IL5RA: variants seen among roughly 807,000 people sequenced by gnomAD.
The protein encoded by IL5RA is interleukin-5 receptor subunit alpha.
Under a neutral mutation model 50.0 loss-of-function variants are expected in IL5RA, and 49 were observed. The observed-to-expected ratio is 0.98, with a 90% CI of 0.78 to 1.24. IL5RA has a LOEUF of 1.24. Among genes scored for constraint, IL5RA ranks in the 50% most tolerant of loss-of-function variants. IL5RA has a pLI of 0.00. For missense variants in IL5RA, 600 were observed against 500.4 expected (o/e 1.20, Z -1.90); for synonymous variants, 202 against 174.0 (o/e 1.16, Z -1.26).
chr3:3,087,798 T>C (rs573745871), intron 9 of IL5RA, among the ~76,000 whole-genome samples: 12 of 152,308 alleles, frequency 7.9e-5, no homozygotes, highest in African/African-American at 2.9e-4. Flanking sequence ...GATGGACTCC[T>C]AGCTGAGTAT....
At chr3:3,082,500 A>G (rs1702702380) in intron 9 of IL5RA, among the ~76,000 whole-genome samples, 1 of 152,250 alleles carries the variant, frequency 6.6e-6, no homozygotes, top group African/African-American at 2.4e-5. Flanking sequence ...TTTAGGCATC[A>G]CTAACGTAAA....
At position 3,092,458 on chromosome 3, in the gene IL5RA, C is replaced by G; in HGVS notation, c.856-96G>C. On this transcript the variant is annotated intron_variant, in intron 8 of 11. Coordinates refer to ENST00000446632, the MANE Select transcript of IL5RA (RefSeq NM_175726.4). This position sits in a 1 kb window ranked among gnomAD's most constrained non-coding sequence, Gnocchi z 4.2. ...GAGGTCCTATATAGGTCATGTGACT[C>G]ACTGTTCAGCAAGTCCTTTAAAATC... The G allele has an allele frequency of 1.8e-6, 2 of 1,109,046 alleles. No homozygotes were observed. Among genetic ancestry groups the G allele is most frequent in the South Asian group, 2.8e-5 (2 of 70,306 alleles). 68.7% of individuals were successfully genotyped at this position (1,109,046 alleles called of 1,614,324 possible).
At chr3:3,070,903 AT>A (rs565831935) in intron 11 of IL5RA, among the ~76,000 whole-genome samples, 1 of 151,936 alleles carries the variant, frequency 6.6e-6, no homozygotes, top group Non-Finnish European at 1.5e-5. Context: ...TTAAAAATTG[AT>A]TTTTTTCTCT....
At position 3,091,599 on chromosome 3, in the gene IL5RA, G is replaced by T. The variant is rs113925759; in HGVS notation, c.994+625C>A. On this transcript the variant is annotated intron_variant, in intron 9 of 11. Transcript: ENST00000446632. Reference sequence around the variant, plus strand: ...ATACAAAAATTAGCCAGGCGTGGTGGCATGTGCCTGCAGTCCCAGCTACAC... The same window carrying T: ...ATACAAAAATTAGCCAGGCGTGGTGTCATGTGCCTGCAGTCCCAGCTACAC... Among the ~76,000 whole-genome samples, 485 of 152,288 alleles carry T rather than the reference G, an allele frequency of 3.2e-3. 3 individuals are homozygous for T. Among genetic ancestry groups the T allele is most frequent in the Admixed American group, 9.5e-3 (145 of 15,296 alleles).
rs1360221446 is a variant in IL5RA, at chr3:3,067,146, C to T, written c.*3079G>A. On this transcript the variant is annotated 3_prime_UTR_variant, in exon 12 of 12. Coordinates refer to ENST00000446632, the MANE Select transcript of IL5RA (RefSeq NM_175726.4). ...AGTATAGACCACTCACAGTGAGCCA[C>T]TTCTGAAATGCCTCTTACACAGCAA... is the stretch of plus-strand genomic sequence containing the variant. The T allele has an allele frequency of 2.6e-5, 4 of 152,254 alleles. No homozygotes were observed. Among genetic ancestry groups the T allele is most frequent in the Non-Finnish European group, 5.9e-5 (4 of 68,054 alleles). The allele number at this position is 152,254 out of a possible 1,614,324, so 9.4% of individuals were successfully genotyped here. A position where few individuals can be genotyped will look rare whatever the true frequency, so the allele number is the denominator to read the frequency against.
At chr3:3,070,398 T>C in intron 11 of IL5RA, 87 bp from the exon 12 acceptor site, 1 of 773,824 alleles carries the variant, frequency 1.3e-6, no homozygotes, top group South Asian at 1.6e-5. Context: ...AAGTCTATTA[T>C]TTTTTAAATA....
At position 3,066,984 on chromosome 3, in the gene IL5RA, A is replaced by G. The variant is rs1160371696; in HGVS notation, c.*3241T>C. 1 of 152,202 alleles carries G rather than the reference A, an allele frequency of 6.6e-6. No individual in the cohort carries two copies. Among genetic ancestry groups the G allele is most frequent in the Non-Finnish European group, 1.5e-5 (1 of 68,044 alleles). 9.4% of individuals were successfully genotyped at this position (152,202 alleles called of 1,614,324 possible). ...GGCTCTAGGAGAAAAGTGACTCTCTACACTCGTCCTAGTGAGAGATGGCAA... is the reference window on the plus strand; with the variant it reads ...GGCTCTAGGAGAAAAGTGACTCTCTGCACTCGTCCTAGTGAGAGATGGCAA... On this transcript the variant is annotated 3_prime_UTR_variant, in exon 12 of 12. Transcript: ENST00000446632.
chr3:3,081,085 AT>A (rs1702648543), intron 9 of IL5RA, among the ~76,000 whole-genome samples: 2 of 152,200 alleles, frequency 1.3e-5, no homozygotes, highest in African/African-American at 4.8e-5. Flanking sequence ...ATTTTGTTAA[AT>A]AATGGAAAAC....
At chr3:3,084,294 T>C (rs1246725608) in intron 9 of IL5RA, among the ~76,000 whole-genome samples, 1 of 152,124 alleles carries the variant, frequency 6.6e-6, no homozygotes, top group Non-Finnish European at 1.5e-5. Flanking sequence ...CAAGATAATT[T>C]CCCTTTCATC....
intron 5 of IL5RA, among the ~76,000 whole-genome samples, chr3:3,099,549 A>C (rs1428591859): frequency 6.6e-6 from 1 of 152,046 alleles, no homozygotes; most frequent in Non-Finnish European, 1.5e-5. Context: ...GGATCACTTG[A>C]GCTGGGGAGG....
chr3:3,104,288 C>T (rs2125985630), intron 3 of IL5RA, among the ~76,000 whole-genome samples: 1 of 152,280 alleles, frequency 6.6e-6, no homozygotes, highest in East Asian at 1.9e-4. Context: ...ATCCACCTGC[C>T]CCGGCCTCCC....
chr3:3,079,125 T>C (rs1702581804), intron 9 of IL5RA, among the ~76,000 whole-genome samples: 1 of 152,200 alleles, frequency 6.6e-6, no homozygotes, highest in Admixed American at 6.5e-5. Flanking sequence ...CCTTTGCTAT[T>C]TTCCACTGTG....
intron 8 of IL5RA, among the ~76,000 whole-genome samples, chr3:3,093,181 C>CA (rs1279808506): frequency 7.9e-5 from 12 of 152,118 alleles, no homozygotes; most frequent in African/African-American, 2.4e-4. Flanking sequence ...TGGGAGAAAT[C>CA]ACAATGTCAG....
At chr3:3,095,553 T>C (rs1288234346) in intron 7 of IL5RA, 109 bp from the exon 8 acceptor site, 8 of 921,670 alleles carry the variant, frequency 8.7e-6, no homozygotes, top group Non-Finnish European at 1.3e-5. Context: ...TACGCTTTTT[T>C]CAAATATTTA....
At chr3:3,103,360 G>A (rs1163252103) in intron 3 of IL5RA, among the ~76,000 whole-genome samples, 2 of 152,150 alleles carry the variant, frequency 1.3e-5, no homozygotes, top group East Asian at 1.9e-4. Context: ...TAATAACAAT[G>A]TATTGGTTTG....
In IL5RA at chr3:3,070,303, C is replaced by G. The variant is rs1702256194; in HGVS notation, c.1185G>C (p.Gly395=). ...LFVTTNYEKA[G]SSETEIEVIC... ...TGACTTCAATTTCCGTCTCACTGGA[C>G]CCAGCTTTCTGCAAAACAAATCATC... Residue 395 remains glycine (G), a synonymous_variant, in exon 12 of 12, where the codon GGG becomes GGC. Transcript: ENST00000446632. 1 of 1,610,202 alleles carries G rather than the reference C, an allele frequency of 6.2e-7. No individual in the cohort carries two copies. The highest frequency in any genetic ancestry group is 8.5e-7 in the Non-Finnish European group (1 of 1,177,234).
At chr3:3,088,772 A>C (rs1252912976) in intron 9 of IL5RA, among the ~76,000 whole-genome samples, 1 of 152,206 alleles carries the variant, frequency 6.6e-6, no homozygotes, top group Non-Finnish European at 1.5e-5. Flanking sequence ...AATTGAATAC[A>C]TATAGAGAGA....
At chr3:3,085,858 T>C (rs2125964544) in intron 9 of IL5RA, among the ~76,000 whole-genome samples, 1 of 152,238 alleles carries the variant, frequency 6.6e-6, no homozygotes, top group Non-Finnish European at 1.5e-5. Context: ...AAGGCCAAGA[T>C]TTCCTATGAA....
At chr3:3,085,864 A>G (rs537675641) in intron 9 of IL5RA, among the ~76,000 whole-genome samples, 1 of 152,284 alleles carries the variant, frequency 6.6e-6, no homozygotes, top group Admixed American at 6.5e-5. Flanking sequence ...AAGATTTCCT[A>G]TGAACAACAC....
Sources: gnomAD v4.1 joint callset for allele counts (sites outside exome capture counted in the v4.1 genomes callset) on GRCh38, gnomAD v4.1.1 for gene constraint, Gnocchi (gnomAD v3.1) non-coding constraint, MANE v1.5 for transcripts, NCBI Gene and HGNC (gene_info 2026-07-23, HGNC 2026-07-21) for gene names.